Variants in GRM1 observed in about 807,000 individuals in gnomAD.
The protein encoded by GRM1 is glutamate metabotropic receptor 1, also known as metabotropic glutamate receptor 1.
GRM1 carries 33 observed loss-of-function variants against 90.9 expected under a neutral mutation model. The observed-to-expected ratio is 0.36, with a 90% CI of 0.28 to 0.49. GRM1 has a LOEUF of 0.49. Among genes scored for constraint, GRM1 ranks in the 20% least tolerant of loss-of-function variants. The pLI, the probability that GRM1 is intolerant of heterozygous loss-of-function variation, is 0.99. For missense variants in GRM1, 1,190 were observed against 1,534.3 expected, an observed-to-expected ratio of 0.78 and a Z score of 3.75; for synonymous variants, 700 against 613.2, an observed-to-expected ratio of 1.14 and a Z score of -2.09.
chr6:146,186,793 A>G (rs953657366), intron 2 of GRM1, among the ~76,000 whole-genome samples: 3 of 152,172 alleles, frequency 2.0e-5, no homozygotes, highest in African/African-American at 7.2e-5. Context: ...AGTGATTTAA[A>G]CCCACAAAGG....
chr6:146,265,893 A>T (rs938018137), intron 2 of GRM1, among the ~76,000 whole-genome samples: 6 of 152,212 alleles, frequency 3.9e-5, no homozygotes, highest in Admixed American at 3.9e-4. Flanking sequence ...ACTATTTAAA[A>T]AAAATACATA....
chr6:146,150,630 T>C (rs1011872604), intron 1 of GRM1, among the ~76,000 whole-genome samples: 10 of 152,188 alleles, frequency 6.6e-5, no homozygotes, highest in Admixed American at 2.6e-4. Context: ...AGTCACCCTG[T>C]GGTGCTACTA....
intron 1 of GRM1, among the ~76,000 whole-genome samples, chr6:146,089,192 C>T (rs1164671934): frequency 1.3e-5 from 2 of 152,152 alleles, no homozygotes; most frequent in African/African-American, 4.8e-5. Flanking sequence ...GCCCATCTGG[C>T]AAGGCACTGT....
intron 4 of GRM1, among the ~76,000 whole-genome samples, chr6:146,354,968 A>AT (rs3216609): frequency 0.2 from 30,444 of 151,872 alleles, 3,325 homozygotes; most frequent in South Asian, 0.27. Context: ...AATATTGTGA[A>AT]TTTTTTTTGT....
chr6:146,188,933 A>G (rs1050109652), intron 2 of GRM1, among the ~76,000 whole-genome samples: 5 of 152,132 alleles, frequency 3.3e-5, no homozygotes, highest in African/African-American at 1.2e-4. Flanking sequence ...TTGATTCACA[A>G]TCCAATTGTT....
chr6:146,228,484 A>G (rs1206091179), intron 2 of GRM1, among the ~76,000 whole-genome samples: 1 of 152,212 alleles, frequency 6.6e-6, no homozygotes, highest in African/African-American at 2.4e-5. Flanking sequence ...CTCCACCCTC[A>G]TGACCTAATC....
At chr6:146,225,390 C>T (rs1332006257) in intron 2 of GRM1, among the ~76,000 whole-genome samples, 2 of 152,082 alleles carry the variant, frequency 1.3e-5, no homozygotes, top group Non-Finnish European at 2.9e-5. Flanking sequence ...GGGAAGTCCT[C>T]CCTTTGATAT....
At chr6:146,162,816 AAAAACAAAAC>A (rs200741221) in intron 2 of GRM1, among the ~76,000 whole-genome samples, 4 of 135,830 alleles carry the variant, frequency 2.9e-5, no homozygotes, top group South Asian at 2.1e-4. Flanking sequence ...GTGGTAATGA[AAAAACAAAAC>A]AAAACAAAAC....
intron 2 of GRM1, among the ~76,000 whole-genome samples, chr6:146,263,982 G>C (rs915480853): frequency 2.0e-5 from 3 of 152,076 alleles, no homozygotes; most frequent in African/African-American, 7.2e-5. Context: ...CATGCTCATT[G>C]GAGAGTTAAT....
intron 1 of GRM1, among the ~76,000 whole-genome samples, chr6:146,049,012 TG>T (rs1363364427): frequency 6.6e-6 from 1 of 151,920 alleles, no homozygotes; most frequent in African/African-American, 2.4e-5. Flanking sequence ...GCTATTATAT[TG>T]TAAAACCTGC....
In GRM1 at chr6:146,296,039, G is replaced by A. The variant is rs542602127; in HGVS notation, c.951-8572G>A. 1.1e-4 allele frequency among the ~76,000 whole-genome samples: 17 copies of A among 152,244 alleles called. No individual in the cohort carries two copies. The East Asian group carries it at 2.1e-3, about 19-fold the overall frequency. On this transcript the variant is annotated intron_variant, in intron 2 of 7. Coordinates refer to ENST00000282753, the MANE Select transcript of GRM1 (RefSeq NM_001278064.2). ...GGCCTCCAGCTCCATCCATTTTCCC[G>A]TAAAAGACATGACTTCATTCTGTTT...
At chr6:146,081,295 G>A (rs1055865316) in intron 1 of GRM1, among the ~76,000 whole-genome samples, 10 of 152,168 alleles carry the variant, frequency 6.6e-5, no homozygotes, top group Non-Finnish European at 1.2e-4. Flanking sequence ...AAAATAACAA[G>A]TTAAGAAGCT....
chr6:146,227,337 A>C (rs1386459398), intron 2 of GRM1, among the ~76,000 whole-genome samples: 2 of 152,068 alleles, frequency 1.3e-5, no homozygotes, highest in Non-Finnish European at 2.9e-5. Context: ...TCATCACCTT[A>C]AGTCTGTAAT....
In GRM1 at chr6:146,434,378, G is replaced by T; in HGVS notation, c.3167G>T (p.Gly1056Val). 1 of 1,613,308 alleles carries T rather than the reference G, an allele frequency of 6.2e-7. No homozygotes were observed. Residue 1056 changes from glycine (G) to valine (V), a missense_variant, in exon 8 of 8, where the codon GGT (glycine) becomes GTT (valine). Physicochemically the swap from Gly to Val is moderately radical, Grantham distance 109. Coordinates refer to ENST00000282753, the MANE Select transcript of GRM1 (RefSeq NM_001278064.2). ...PDFHAVLAGP[G>V]GPGNGLRSLY... ...TTTCACGCGGTGCTGGCAGGCCCCG[G>T]TGGTCCCGGGAACGGGCTGCGGTCC...
chr6:146,392,419 G>C (rs62434339), intron 6 of GRM1, among the ~76,000 whole-genome samples: 13,031 of 152,200 alleles, frequency 0.086, 709 homozygotes, highest in South Asian at 0.16. Flanking sequence ...AAATAAAATT[G>C]TTACATGAGT....
At chr6:146,390,487 T>G (rs1015773161) in intron 6 of GRM1, among the ~76,000 whole-genome samples, 1 of 152,012 alleles carries the variant, frequency 6.6e-6, no homozygotes, top group African/African-American at 2.4e-5. Context: ...GTTTAACAAT[T>G]TGTGGACCAA....
intron 5 of GRM1, among the ~76,000 whole-genome samples, chr6:146,361,348 C>T (rs988147412): frequency 1.3e-5 from 2 of 152,170 alleles, no homozygotes; most frequent in South Asian, 2.1e-4. Context: ...GGGCCCAAGA[C>T]ACAAGTACAG....
chr6:146,433,175 T>A (rs990129702), intron 7 of GRM1, among the ~76,000 whole-genome samples: 1 of 152,232 alleles, frequency 6.6e-6, no homozygotes, highest in African/African-American at 2.4e-5. Context: ...AGGGCCTTTG[T>A]GTGAATTGTG....
At chr6:146,248,491 C>T (rs1781155178) in intron 2 of GRM1, among the ~76,000 whole-genome samples, 1 of 152,124 alleles carries the variant, frequency 6.6e-6, no homozygotes, top group African/African-American at 2.4e-5. Flanking sequence ...ACTCCTTGCC[C>T]CACTGCTGCC....
Sources: allele counts gnomAD v4.1 joint callset (sites outside exome capture counted in the v4.1 genomes callset), GRCh38; gene constraint gnomAD v4.1.1; transcripts MANE v1.5; gene names NCBI Gene and HGNC (gene_info 2026-07-23, HGNC 2026-07-21).